The following UNC79 variants were observed in gnomAD, a reference collection of about 807,000 sequenced individuals.
UNC79 encodes protein unc-79 homolog.
Under a neutral mutation model 283.1 loss-of-function variants are expected in UNC79, and 37 were observed. The ratio of observed to expected loss-of-function variants is 0.13; its 90% CI spans 0.10 to 0.17. UNC79 has a LOEUF of 0.17. Ranked by LOEUF, UNC79 falls within the 10% of genes least tolerant of loss-of-function variation. The pLI is 1.00. For missense variants in UNC79, 2,272 were observed against 3,211.1 expected, an observed-to-expected ratio of 0.71 and a Z score of 7.07; for synonymous variants, 1,107 against 1,200.2, an observed-to-expected ratio of 0.92 and a Z score of 1.61.
In UNC79 at chr14:93,604,883, G is replaced by A. The variant is rs2065774120; in HGVS notation, c.3754+1465G>A. ...TAATGCTTATTTAAATAGAGTTGTTGTTGATTTTTAAGCTATGAGGTTGAC... is the reference window on the plus strand; with the variant it reads ...TAATGCTTATTTAAATAGAGTTGTTATTGATTTTTAAGCTATGAGGTTGAC... On this transcript the variant is annotated intron_variant, in intron 26 of 48. Transcript: ENST00000555664. 6.4e-7 allele frequency: 1 copy of A among 1,567,018 alleles called. No individual in the cohort carries two copies. Among genetic ancestry groups the A allele is most frequent in the Non-Finnish European group, 8.6e-7 (1 of 1,163,616 alleles).
chr14:93,590,244 A>G (rs2064560033), intron 22 of UNC79, among the ~76,000 whole-genome samples: 1 of 152,044 alleles, frequency 6.6e-6, no homozygotes, highest in South Asian at 2.1e-4. Flanking sequence ...TTCGGGGAGC[A>G]CTCTTCAGCC....
At chr14:93,436,484 G>GTT (rs774489620) in intron 1 of UNC79, among the ~76,000 whole-genome samples, 9 of 146,882 alleles carry the variant, frequency 6.1e-5, no homozygotes, top group Non-Finnish European at 7.5e-5. Flanking sequence ...ACAGCCAACT[G>GTT]TTTTTTTTTT....
chr14:93,438,476 TTGAAA>T (rs2056175121), intron 1 of UNC79, among the ~76,000 whole-genome samples: 1 of 152,132 alleles, frequency 6.6e-6, no homozygotes, highest in African/African-American at 2.4e-5. Flanking sequence ...AAATAGGAAG[TTGAAA>T]TGAACTTGGG....
chr14:93,577,344 G>A (rs924700115), intron 17 of UNC79, among the ~76,000 whole-genome samples: 1 of 152,194 alleles, frequency 6.6e-6, no homozygotes, highest in Non-Finnish European at 1.5e-5. Context: ...CTGAGTGGGG[G>A]TTGGGTGGAC....
At chr14:93,634,844 C>T (rs2068373206) in intron 31 of UNC79, among the ~76,000 whole-genome samples, 1 of 152,144 alleles carries the variant, frequency 6.6e-6, no homozygotes, top group Non-Finnish European at 1.5e-5. Context: ...GAGGCTGGCC[C>T]AACTCTTGTT....
At chr14:93,622,035 C>A in exon 30 of UNC79, 1 of 1,614,048 alleles carries the variant, frequency 6.2e-7, no homozygotes, top group Middle Eastern at 1.6e-4. Flanking sequence ...AAGCCTGCTC[C>A]TAAAGAGGAT....
rs116578509 is a variant in UNC79 at position 93,563,423 on chromosome 14, C to T, written c.1756-8471C>T. Reference sequence around the variant, plus strand: ...GAGGACCCTTGTACAGTGAGGAAACCTTTCTCAGCCTATATAACAGCATGG... The same window carrying T: ...GAGGACCCTTGTACAGTGAGGAAACTTTTCTCAGCCTATATAACAGCATGG... On this transcript the variant is annotated intron_variant, in intron 14 of 48. Transcript: ENST00000555664. Among the ~76,000 whole-genome samples, 577 of 152,242 alleles carry T rather than the reference C, an allele frequency of 3.8e-3. 2 individuals are homozygous for T. Among genetic ancestry groups the T allele is most frequent in the African/African-American group, 0.013 (552 of 41,530 alleles).
At chr14:93,618,404 T>G (rs1363196760) in intron 29 of UNC79, 50 bp downstream of exon 30, 2 of 1,495,210 alleles carry the variant, frequency 1.3e-6, no homozygotes, top group Non-Finnish European at 8.9e-7. Context: ...ATAATAGATT[T>G]CTGGACAATG....
intron 1 of UNC79, among the ~76,000 whole-genome samples, chr14:93,392,767 C>A (rs1306917026): frequency 2.0e-5 from 3 of 149,636 alleles, no homozygotes; most frequent in African/African-American, 7.4e-5. Context: ...TTACCCAAAT[C>A]TCTTGGGATG....
At chr14:93,350,474 AAAT>A (rs2053961365) in intron 1 of UNC79, among the ~76,000 whole-genome samples, 1 of 152,156 alleles carries the variant, frequency 6.6e-6, no homozygotes. Flanking sequence ...AGAAAGTAAA[AAAT>A]GTTATAAATG....
At chr14:93,689,971 G>A in intron 44 of UNC79, 146 bp from the exon 48 acceptor site, 1 of 772,050 alleles carries the variant, frequency 1.3e-6, no homozygotes, top group East Asian at 2.6e-5. Context: ...ATATCATTTT[G>A]TTGACACTCA....
At chr14:93,347,606 A>T (rs2053884649) in intron 1 of UNC79, among the ~76,000 whole-genome samples, 1 of 151,620 alleles carries the variant, frequency 6.6e-6, no homozygotes, top group African/African-American at 2.4e-5. Flanking sequence ...CGTCGGGCAC[A>T]GGGGCGGAAA....
intron 1 of UNC79, among the ~76,000 whole-genome samples, chr14:93,451,117 G>T (rs533347636): frequency 6.9e-6 from 1 of 145,170 alleles, no homozygotes; most frequent in Non-Finnish European, 1.5e-5. Flanking sequence ...TTAATAACAG[G>T]TTTTTTTTTT....
chr14:93,573,017 T>C (rs1312852650), intron 16 of UNC79, among the ~76,000 whole-genome samples: 1 of 152,242 alleles, frequency 6.6e-6, no homozygotes, highest in Non-Finnish European at 1.5e-5. Context: ...CATATAAATA[T>C]ATAAATTGTG....
intron 1 of UNC79, among the ~76,000 whole-genome samples, chr14:93,446,233 T>G (rs148416762): frequency 1.1e-4 from 16 of 152,328 alleles, no homozygotes; most frequent in African/African-American, 3.8e-4. Context: ...GAAATCTTTC[T>G]TCTTTTCTAA....
At chr14:93,633,665 G>A (rs982607516) in intron 31 of UNC79, among the ~76,000 whole-genome samples, 1 of 152,196 alleles carries the variant, frequency 6.6e-6, no homozygotes, top group Admixed American at 6.5e-5. Flanking sequence ...GTAGGGATTG[G>A]TGGGACTGCT....
intron 1 of UNC79, among the ~76,000 whole-genome samples, chr14:93,397,759 T>TC (rs1283261926): frequency 2.7e-5 from 3 of 109,386 alleles, no homozygotes; most frequent in Non-Finnish European, 3.7e-5. Context: ...ATGGTTGGAG[T>TC]CATTTTTTTT....
intron 1 of UNC79, chr14:93,348,205 T>A: frequency 1.3e-6 from 1 of 797,160 alleles, no homozygotes; most frequent in Non-Finnish European, 2.2e-6. Flanking sequence ...AATTGCCTAG[T>A]TGAGTTGATG....
At chr14:93,693,492 C>T (rs1231273864) in intron 46 of UNC79, among the ~76,000 whole-genome samples, 1 of 152,124 alleles carries the variant, frequency 6.6e-6, no homozygotes. Context: ...TAAATTCATT[C>T]TGAAAATTTT....
Sources: allele counts gnomAD v4.1 joint callset (sites outside exome capture counted in the v4.1 genomes callset), GRCh38; gene constraint gnomAD v4.1.1; transcripts MANE v1.5; gene names NCBI Gene and HGNC (gene_info 2026-07-23, HGNC 2026-07-21).